Variants in ITGA11 observed in about 807,000 individuals in gnomAD.
ITGA11 encodes integrin subunit alpha 11.
In ITGA11, 97 loss-of-function variants were observed where a neutral mutation model predicts 141.9. That is an observed-to-expected ratio of 0.68 (90% CI 0.58 to 0.81). The LOEUF (loss-of-function observed/expected upper bound fraction) is 0.81. Ranked by LOEUF, ITGA11 falls within the 30% of genes least tolerant of loss-of-function variation. The pLI, the probability that ITGA11 is intolerant of heterozygous loss-of-function variation, is 0.00. For synonymous variants in ITGA11, 658 were observed against 624.6 expected (o/e 1.05, Z -0.80); for missense variants, 1,387 against 1,559.2 (o/e 0.89, Z 1.86).
rs900196008 is a variant in ITGA11, at chr15:68,321,242, G to A, written c.2408+176C>T. On this transcript the variant is annotated intron_variant, in intron 19 of 29. Coordinates refer to ENST00000315757, the MANE Select transcript of ITGA11 (RefSeq NM_001004439.2). The surrounding 1 kb of genome is among the most constrained non-coding windows in gnomAD (Gnocchi z 4.9). Reference sequence around the variant, plus strand: ...CATATTACAGAAGAGACTTTCCTGAGGTTATGCAGGAGTTGGTGGCAGAGC... The same window carrying A: ...CATATTACAGAAGAGACTTTCCTGAAGTTATGCAGGAGTTGGTGGCAGAGC... 6.6e-6 allele frequency among the ~76,000 whole-genome samples: 1 copy of A among 151,548 alleles called. No homozygotes were observed. The highest frequency in any genetic ancestry group is 1.5e-5 in the Non-Finnish European group (1 of 67,972).
chr15:68,332,111 C>T (rs1894189967), intron 13 of ITGA11, 49 bp from the exon 14 acceptor site: 1 of 1,476,618 alleles, frequency 6.8e-7, no homozygotes, highest in Admixed American at 2.0e-5. Context: ...GGCAAAAGTC[C>T]TCAGGCTCAT....
rs1172026655 is a variant in ITGA11 at position 68,331,910 on chromosome 15, G to A, written c.1719C>T (p.Ala573=). 2.5e-6 allele frequency: 4 copies of A among 1,613,436 alleles called. No individual in the cohort carries two copies. Among genetic ancestry groups the A allele is most frequent in the Non-Finnish European group, 2.5e-6 (3 of 1,179,748 alleles). The change falls in exon 14 of 30, where the codon GCC becomes GCT. Residue 573 remains alanine, a synonymous_variant. Transcript: ENST00000315757. Reference sequence around the variant, plus strand: ...CTCGGAAGCCGTGGAAGATGTAGATGGCTCCTGCGTGGTTGTCCTCCAGGG... The same window carrying A: ...CTCGGAAGCCGTGGAAGATGTAGATAGCTCCTGCGTGGTTGTCCTCCAGGG... The part of the protein sequence containing the change: ...GAPLEDNHAG[A]IYIFHGFRGS...
chr15:68,319,660 A>G (rs1021284879), intron 20 of ITGA11, among the ~76,000 whole-genome samples: 2 of 152,344 alleles, frequency 1.3e-5, no homozygotes, highest in East Asian at 3.9e-4. Context: ...GCAAGCCTGC[A>G]GGGTGCACTG....
At chr15:68,340,349 T>C (rs6494736) in intron 10 of ITGA11, among the ~76,000 whole-genome samples, 30,279 of 152,136 alleles carry the variant, frequency 0.2, 6,782 homozygotes, top group African/African-American at 0.55. Flanking sequence ...TTTACCCGTG[T>C]ACCTGAAAGA....
At chr15:68,362,632 G>T (rs527386958) in intron 4 of ITGA11, among the ~76,000 whole-genome samples, 2 of 152,226 alleles carry the variant, frequency 1.3e-5, no homozygotes, top group South Asian at 4.1e-4. Flanking sequence ...ATGGATGAAT[G>T]ATGTATAGAT....
At chr15:68,374,588 G>GTC in intron 2 of ITGA11, among the ~76,000 whole-genome samples, 1 of 152,352 alleles carries the variant, frequency 6.6e-6, no homozygotes, top group African/African-American at 2.4e-5. Context: ...TCTAGGCCCA[G>GTC]TCAGGCTTTT....
intron 1 of ITGA11, among the ~76,000 whole-genome samples, chr15:68,419,034 T>C (rs1190049333): frequency 2.6e-5 from 4 of 151,850 alleles, no homozygotes; most frequent in East Asian, 3.9e-4. Context: ...AAAAAAGGAA[T>C]TGTGGGGGCC....
intron 1 of ITGA11, among the ~76,000 whole-genome samples, chr15:68,429,527 C>A (rs947705474): frequency 3.9e-5 from 6 of 152,148 alleles, no homozygotes; most frequent in Non-Finnish European, 5.9e-5. Context: ...GCAGCTGGAG[C>A]TCTGGGAGAG....
At chr15:68,318,607 G>T (rs1290123581) in intron 20 of ITGA11, among the ~76,000 whole-genome samples, 1 of 152,164 alleles carries the variant, frequency 6.6e-6, no homozygotes, top group Non-Finnish European at 1.5e-5. Context: ...GAGGATGGGG[G>T]AGCCCACTGA....
rs1290403250 is a variant in ITGA11, at chr15:68,300,576, TG to T, written c.*2482del. The T allele has an allele frequency of 1.3e-5, 2 of 152,258 alleles. No individual in the cohort carries two copies. The highest frequency in any genetic ancestry group is 4.8e-5 in the African/African-American group (2 of 41,468). The allele number at this position is 152,258 out of a possible 1,614,324, so 9.4% of individuals were successfully genotyped here. On this transcript the variant is annotated 3_prime_UTR_variant, in exon 30 of 30. Transcript: ENST00000315757. ...TACCAGGCACTCTTAAGGCTCATCT[TG>T]GGTATTTATACTTCAGGGTAAATAG...
intron 6 of ITGA11, among the ~76,000 whole-genome samples, chr15:68,357,716 T>TA (rs1376473139): frequency 6.6e-6 from 1 of 152,174 alleles, no homozygotes; most frequent in Non-Finnish European, 1.5e-5. Context: ...CCATGGATGA[T>TA]AAAATAATGA....
chr15:68,405,966 G>A (rs1222748984), intron 1 of ITGA11, among the ~76,000 whole-genome samples: 4 of 152,082 alleles, frequency 2.6e-5, no homozygotes, highest in East Asian at 3.9e-4. Context: ...GATTGTGGAC[G>A]GCACTTTGCC....
rs1316495597 is a variant in ITGA11 at position 68,297,714 on chromosome 15, T to A, written c.*5345A>T. On this transcript the variant is annotated 3_prime_UTR_variant, in exon 30 of 30. Transcript: ENST00000315757. Reference sequence around the variant, plus strand: ...TTTGCAAGTAACAATAATATGGCATTCTCATTTCCAGCCTTCACATCTCAG... The same window carrying A: ...TTTGCAAGTAACAATAATATGGCATACTCATTTCCAGCCTTCACATCTCAG... The A allele has an allele frequency of 2.6e-5, 4 of 152,194 alleles. No homozygotes were observed. In the East Asian group the frequency reaches 7.7e-4, roughly 29 times the overall value. 9.4% of individuals were successfully genotyped at this position (152,194 alleles called of 1,614,324 possible).
In ITGA11 at chr15:68,297,302, A is replaced by G. The variant is rs1024805111; in HGVS notation, c.*5757T>C. The G allele has an allele frequency of 1.3e-5, 2 of 152,052 alleles. No homozygotes were observed. The highest frequency in any genetic ancestry group is 2.9e-5 in the Non-Finnish European group (2 of 68,014). 9.4% of individuals were successfully genotyped at this position (152,052 alleles called of 1,614,324 possible). On this transcript the variant is annotated 3_prime_UTR_variant, in exon 30 of 30. Transcript: ENST00000315757. ...TTTAAGTGGGGAGGTGGGAGTGGCT[A>G]ACTTTTTTCATTATTACGTGTTTAT...
intron 2 of ITGA11, among the ~76,000 whole-genome samples, chr15:68,387,366 A>G (rs1413584947): frequency 6.6e-6 from 1 of 152,140 alleles, no homozygotes; most frequent in African/African-American, 2.4e-5. Context: ...GGCAACCGCT[A>G]AGTGTGTGGT....
In ITGA11 at chr15:68,328,232, G is replaced by T; in HGVS notation, c.1932C>A (p.Ser644Arg). The T allele has an allele frequency of 1.9e-6, 3 of 1,613,934 alleles. No homozygotes were observed. Among genetic ancestry groups the T allele is most frequent in the Non-Finnish European group, 2.5e-6 (3 of 1,179,892 alleles). Residue 644 changes from serine to arginine, a missense_variant, in exon 16 of 30, where the codon AGC (serine) becomes AGA (arginine). Physicochemically the swap from Ser to Arg is moderately radical, Grantham distance 110. Coordinates refer to ENST00000315757, the MANE Select transcript of ITGA11 (RefSeq NM_001004439.2). This position sits in a 1 kb window ranked among gnomAD's most constrained non-coding sequence, Gnocchi z 4.8. ...WSRPVVQINA[S>R]LHFEPSKINI... The stretch of plus-strand genomic sequence containing the variant: ...TGATCTTGGATGGCTCAAAGTGGAG[G>T]CTGGCATTGATCTGAACCACTGGGC...
intron 2 of ITGA11, among the ~76,000 whole-genome samples, chr15:68,393,001 T>C (rs2415000): frequency 6.6e-6 from 1 of 151,852 alleles, no homozygotes; most frequent in Non-Finnish European, 1.5e-5. Context: ...AGATGGACAA[T>C]TGGGATCAAG....
intron 1 of ITGA11, among the ~76,000 whole-genome samples, chr15:68,413,483 C>A (rs1896822825): frequency 6.6e-6 from 1 of 152,174 alleles, no homozygotes; most frequent in South Asian, 2.1e-4. Flanking sequence ...CCCCACTGGG[C>A]AGGCAACAGA....
At position 68,432,041 on chromosome 15, in the gene ITGA11, A is replaced by G. The variant is rs1897281330; in HGVS notation, c.26T>C (p.Val9Ala). 1.2e-5 allele frequency: 16 copies of G among 1,345,378 alleles called. No homozygotes were observed. Among genetic ancestry groups the G allele is most frequent in the Non-Finnish European group, 1.5e-5 (16 of 1,046,830 alleles). The allele number at this position is 1,345,378 out of a possible 1,614,324, so 83.3% of individuals were successfully genotyped here. The change falls in exon 1 of 30, where the codon GTG becomes GCG. Residue 9 changes from valine (V) to alanine (A), a missense_variant. Val to Ala is a moderately conservative substitution (Grantham distance 64, BLOSUM62 0). Transcript: ENST00000315757. ...TGGCCACAGGCTGAGCGCCCAGGCCACCACCAGGCCCCTGGGCAGGTCCAT... is the reference window on the plus strand; with the variant it reads ...TGGCCACAGGCTGAGCGCCCAGGCCGCCACCAGGCCCCTGGGCAGGTCCAT... MDLPRGLV[V>A]AWALSLWPGF...
Sources: gnomAD v4.1 joint callset for allele counts (sites outside exome capture counted in the v4.1 genomes callset) on GRCh38, gnomAD v4.1.1 for gene constraint, Gnocchi (gnomAD v3.1) non-coding constraint, MANE v1.5 for transcripts, NCBI Gene and HGNC (gene_info 2026-07-23, HGNC 2026-07-21) for gene names.